Variants in HTR4 observed in about 807,000 individuals in gnomAD.
HTR4 encodes 5-hydroxytryptamine receptor 4.
HTR4 carries 16 observed loss-of-function variants against 36.8 expected under a neutral mutation model. The ratio of observed to expected loss-of-function variants is 0.43; its 90% confidence interval spans 0.29 to 0.66. HTR4 has a LOEUF of 0.66. Among genes scored for constraint, HTR4 ranks in the 30% least tolerant of loss-of-function variants. The pLI, the probability that HTR4 is intolerant of heterozygous loss-of-function variation, is 0.13. For synonymous variants in HTR4, 189 were observed against 185.1 expected, an observed-to-expected ratio of 1.02 and a Z score of -0.17; for missense variants, 438 against 490.9, an observed-to-expected ratio of 0.89 and a Z score of 1.02.
At chr5:148,591,548 C>T (rs150689531) in intron 2 of HTR4, among the ~76,000 whole-genome samples, 1 of 152,182 alleles carries the variant, frequency 6.6e-6, no homozygotes, top group African/African-American at 2.4e-5. Flanking sequence ...GATCTTTCAC[C>T]TCCATGGTTA....
chr5:148,632,272 C>G (rs1029338108), intron 2 of HTR4, among the ~76,000 whole-genome samples: 3 of 152,168 alleles, frequency 2.0e-5, no homozygotes, highest in Non-Finnish European at 4.4e-5. Context: ...ATTTGTCTCT[C>G]AGTTTCCTAG....
chr5:148,624,892 A>T (rs1374036336), intron 2 of HTR4, among the ~76,000 whole-genome samples: 3 of 152,242 alleles, frequency 2.0e-5, no homozygotes, highest in Non-Finnish European at 4.4e-5. Flanking sequence ...CAACATTATA[A>T]GATGTCAGAC....
At chr5:148,524,885 G>A (rs1055336191) in intron 4 of HTR4, among the ~76,000 whole-genome samples, 1 of 152,308 alleles carries the variant, frequency 6.6e-6, no homozygotes, top group African/African-American at 2.4e-5. Flanking sequence ...TTGAGAGAGA[G>A]GGTGGAATGA....
intron 2 of HTR4, chr5:148,630,290 T>C (rs1027117803): frequency 3.3e-5 from 5 of 152,132 alleles, no homozygotes; most frequent in African/African-American, 4.8e-5. Flanking sequence ...AGGGAATGAT[T>C]GCATATAAAG....
intron 2 of HTR4, among the ~76,000 whole-genome samples, chr5:148,616,263 G>A (rs1345329282): frequency 1.3e-5 from 2 of 152,198 alleles, no homozygotes; most frequent in African/African-American, 4.8e-5. Flanking sequence ...TTTCCAAAAT[G>A]TGTTTAGAAT....
intron 5 of HTR4, among the ~76,000 whole-genome samples, chr5:148,462,433 A>G (rs993056864): frequency 1.3e-5 from 2 of 152,090 alleles, no homozygotes; most frequent in Admixed American, 6.5e-5. Flanking sequence ...AAATTGACCA[A>G]TTCCTTGAAA....
At chr5:148,547,086 A>T (rs1759415992) in intron 4 of HTR4, among the ~76,000 whole-genome samples, 1 of 152,168 alleles carries the variant, frequency 6.6e-6, no homozygotes, top group African/African-American at 2.4e-5. Flanking sequence ...AGGAAAAGAG[A>T]AAGCAATTTA....
chr5:148,643,518 G>T (rs1753787913), intron 1 of HTR4, among the ~76,000 whole-genome samples: 1 of 151,726 alleles, frequency 6.6e-6, no homozygotes. Flanking sequence ...GGAATTTTGT[G>T]GGGAAAAAAA....
At chr5:148,572,045 T>C (rs544011505) in intron 2 of HTR4, among the ~76,000 whole-genome samples, 11 of 152,188 alleles carry the variant, frequency 7.2e-5, no homozygotes, top group Non-Finnish European at 1.6e-4. Context: ...AATGCTGAGA[T>C]AAAAAAATTA....
At chr5:148,516,386 C>G (rs916829309) in intron 5 of HTR4, among the ~76,000 whole-genome samples, 1 of 127,382 alleles carries the variant, frequency 7.9e-6, no homozygotes, top group Admixed American at 9.5e-5. Flanking sequence ...ATGGCACAAT[C>G]TCGGCTCACT....
chr5:148,521,450 T>A (rs959284358), intron 5 of HTR4, among the ~76,000 whole-genome samples: 1 of 151,964 alleles, frequency 6.6e-6, no homozygotes, highest in Non-Finnish European at 1.5e-5. Context: ...GCCTTCAAGC[T>A]GTGATATCAG....
chr5:148,649,140 A>G (rs1380029958), intron 1 of HTR4, among the ~76,000 whole-genome samples: 2 of 152,192 alleles, frequency 1.3e-5, no homozygotes, highest in Non-Finnish European at 2.9e-5. Flanking sequence ...AGAAAAATCA[A>G]AGACTAGGTG....
chr5:148,509,276 TCCAGAGCCTGAGTTCTTAA>T (rs541573949), intron 6 of HTR4, 161 bp downstream of exon 6: 117 of 540,782 alleles, frequency 2.2e-4, no homozygotes, highest in East Asian at 2.0e-3. Context: ...TCAATCTCCC[TCCAGAGCCTGAGTTCTTAA>T]CCATTGCTGT....
At chr5:148,581,714 G>A (rs1169274780) in intron 2 of HTR4, among the ~76,000 whole-genome samples, 1 of 152,074 alleles carries the variant, frequency 6.6e-6, no homozygotes, top group African/African-American at 2.4e-5. Flanking sequence ...TTTTATGCCA[G>A]TCTCAAACTG....
intron 2 of HTR4, among the ~76,000 whole-genome samples, chr5:148,568,389 C>A (rs1263042598): frequency 1.3e-5 from 2 of 152,046 alleles, no homozygotes; most frequent in Admixed American, 1.3e-4. Context: ...AATTAATTAA[C>A]CTATAAATCA....
chr5:148,624,319 A>T (rs1581561499), intron 2 of HTR4, among the ~76,000 whole-genome samples: 1 of 152,328 alleles, frequency 6.6e-6, no homozygotes, highest in South Asian at 2.1e-4. Flanking sequence ...TATTAGTTGT[A>T]TAAATTTGGG....
downstream of HTR4, among the ~76,000 whole-genome samples, chr5:148,474,101 A>T (rs1755636706): frequency 6.6e-6 from 1 of 152,196 alleles, no homozygotes; most frequent in South Asian, 2.1e-4. Flanking sequence ...CCACTGACTC[A>T]TATCCCTTGA....
At chr5:148,458,331 A>C (rs1333019686) in intron 5 of HTR4, among the ~76,000 whole-genome samples, 1 of 151,894 alleles carries the variant, frequency 6.6e-6, no homozygotes, top group Non-Finnish European at 1.5e-5. Context: ...ACATTTATTC[A>C]TCCAGCCACT....
chr5:148,486,761 G>A (rs932392012), intron 6 of HTR4, among the ~76,000 whole-genome samples: 3 of 152,142 alleles, frequency 2.0e-5, no homozygotes, highest in Non-Finnish European at 4.4e-5. Flanking sequence ...GGTTTCGCTG[G>A]AAACACAGGG....
Sources: allele counts gnomAD v4.1 joint callset (sites outside exome capture counted in the v4.1 genomes callset), GRCh38; gene constraint gnomAD v4.1.1; transcripts MANE v1.5; gene names NCBI Gene and HGNC (gene_info 2026-07-23, HGNC 2026-07-21).